BRF2: variants seen among roughly 807,000 people sequenced by gnomAD.
BRF2 encodes BRF2 general transcription factor IIIB subunit, also known as transcription factor IIIB 50 kDa subunit.
BRF2 carries 17 observed loss-of-function variants against 26.6 expected under a neutral mutation model. The ratio of observed to expected loss-of-function variants is 0.64; its 90% confidence interval spans 0.44 to 0.96. The LOEUF is 0.96. Among genes scored for constraint, BRF2 ranks in the 40% least tolerant of loss-of-function variants. BRF2 has a pLI of 0.00. For missense variants in BRF2, 515 were observed against 537.0 expected (o/e 0.96, Z 0.40); for synonymous variants, 219 against 226.6 (o/e 0.97, Z 0.30).
chr8:37,846,063 C>G (rs1045805430), intron 3 of BRF2, among the ~76,000 whole-genome samples: 5 of 152,130 alleles, frequency 3.3e-5, no homozygotes, highest in African/African-American at 1.2e-4. Flanking sequence ...TTATAGCATT[C>G]TTTGGCGGGG....
At position 37,848,632 on chromosome 8, in the gene BRF2, CT is replaced by C; in HGVS notation, c.177del (p.Glu61LysfsTer16). 6.2e-7 allele frequency: 1 copy of C among 1,614,108 alleles called. No homozygotes were observed. Among genetic ancestry groups the C allele is most frequent in the African/African-American group, 1.3e-5 (1 of 75,072 alleles). ...CTGCGACTAACTTGTTCGTTTTCCC[CT>C]GTGCTTCGGGAATATGTTACCTCTG... ...NLREVTYSRSTGENEQVSRSQ... is the reference protein window; with the variant it reads ...NLREVTYSRSXGENEQVSRSQ... On this transcript the variant is annotated frameshift_variant, in exon 2 of 4. Coordinates refer to ENST00000220659, the MANE Select transcript of BRF2 (RefSeq NM_018310.4). LOFTEE classifies it high-confidence loss of function.
At chr8:37,847,355 A>G (rs1174485279) in intron 2 of BRF2, 180 bp from the exon 3 acceptor site, 1 of 700,522 alleles carries the variant, frequency 1.4e-6, no homozygotes, top group Non-Finnish European at 2.6e-6. Flanking sequence ...AAGACACAAA[A>G]ACATTTGTGT....
Position 37,845,212 on chromosome 8 carries a change from A to T in BRF2, c.538T>A (p.Phe180Ile). 1 of 1,606,700 alleles carries T rather than the reference A, an allele frequency of 6.2e-7. No individual in the cohort carries two copies. Among genetic ancestry groups the T allele is most frequent in the Non-Finnish European group, 8.5e-7 (1 of 1,174,476 alleles). ...AELVKTYCSS[F>I]KLFQASPSVP... ...GAAGGTGAAGCTTGGAACAGTTTGA[A>T]GCTGAAATAACCAAAATGAGGGTTG... Residue 180 changes from phenylalanine (F) to isoleucine (I), a missense_variant and splice_region_variant, in exon 4 of 4, where the codon TTC becomes ATC. Coordinates refer to ENST00000220659, the MANE Select transcript of BRF2 (RefSeq NM_018310.4).
chr8:37,844,385 CAAGAA>C lies in BRF2; in HGVS notation c.*100_*104del. On this transcript the variant is annotated 3_prime_UTR_variant, in exon 4 of 4. Coordinates refer to ENST00000220659, the MANE Select transcript of BRF2 (RefSeq NM_018310.4). ...CAGAGCCCCTCTTGGTTCCTTCAAACAAGAAAAGCAATACCTACGGACTGGTGTAC... is the reference window on the plus strand; with the variant it reads ...CAGAGCCCCTCTTGGTTCCTTCAAACAAGCAATACCTACGGACTGGTGTAC... 6.8e-7 allele frequency: 1 copy of C among 1,480,264 alleles called. No homozygotes were observed. Among genetic ancestry groups the C allele is most frequent in the Non-Finnish European group, 9.1e-7 (1 of 1,094,274 alleles). The allele number at this position is 1,480,264 out of a possible 1,614,324, so 91.7% of individuals were successfully genotyped here.
At position 37,848,648 on chromosome 8, in the gene BRF2, T is replaced by C; in HGVS notation, c.162A>G (p.Thr54=). Residue 54 remains threonine, a synonymous_variant, in exon 2 of 4, where the codon ACA becomes ACG. Transcript: ENST00000220659. ...CGTTTTCCCCTGTGCTTCGGGAATATGTTACCTCTGTAAGATAATAAACAA... is the reference window on the plus strand; with the variant it reads ...CGTTTTCCCCTGTGCTTCGGGAATACGTTACCTCTGTAAGATAATAAACAA... ...FSDEGNLREV[T]YSRSTGENEQ... 3 of 1,613,770 alleles carry C rather than the reference T, an allele frequency of 1.9e-6. No individual in the cohort carries two copies. Among genetic ancestry groups the C allele is most frequent in the East Asian group, 2.2e-5 (1 of 44,882 alleles).
Position 37,844,257 on chromosome 8 carries a change from C to A in BRF2, c.*233G>T. 1 of 559,652 alleles carries A rather than the reference C, an allele frequency of 1.8e-6. No homozygotes were observed. Among genetic ancestry groups the A allele is most frequent in the South Asian group, 2.5e-5 (1 of 40,336 alleles). The allele number at this position is 559,652 out of a possible 1,614,324, so 34.7% of individuals were successfully genotyped here. ...GGAAAGCCATCTCACAGAACATGGA[C>A]ATAGGCAACTTGCTCTCCCACACCA... is the stretch of plus-strand genomic sequence containing the variant. On this transcript the variant is annotated 3_prime_UTR_variant, in exon 4 of 4. Coordinates refer to ENST00000220659, the MANE Select transcript of BRF2 (RefSeq NM_018310.4).
chr8:37,845,754 A>G, intron 3 of BRF2: 1 of 678,070 alleles, frequency 1.5e-6, no homozygotes, highest in South Asian at 1.6e-5. Context: ...GTGAGCTATG[A>G]TGGTGCCACT....
chr8:37,844,469 A>G lies in BRF2; in HGVS notation c.*21T>C, dbSNP rs368778645. 30 of 1,607,560 alleles carry G rather than the reference A, an allele frequency of 1.9e-5. No homozygotes were observed. Among genetic ancestry groups the G allele is most frequent in the Non-Finnish European group, 2.5e-5 (29 of 1,176,704 alleles). On this transcript the variant is annotated 3_prime_UTR_variant, in exon 4 of 4. Coordinates refer to ENST00000220659, the MANE Select transcript of BRF2 (RefSeq NM_018310.4). ...TTATCAAGCTGTCAGAACAGGATGA[A>G]GTGCTCCCAGTGGATATCCATCAGG...
intron 3 of BRF2, 82 bp downstream of exon 3, chr8:37,846,772 A>T (rs1302217767): frequency 6.7e-6 from 7 of 1,043,874 alleles, no homozygotes; most frequent in Non-Finnish European, 9.9e-6. Context: ...CAAGAAAAAA[A>T]AAAAGAGATG....
intron 2 of BRF2, 146 bp from the exon 3 acceptor site, chr8:37,847,321 G>A (rs1805981027): frequency 6.9e-6 from 5 of 723,234 alleles, no homozygotes; most frequent in East Asian, 2.7e-5. Context: ...ATAGACAGGA[G>A]TGACACTTGG....
chr8:37,844,498 G>C lies in BRF2; in HGVS notation c.1252C>G (p.Pro418Ala). Residue 418 changes from proline to alanine, a missense_variant, in exon 4 of 4, where the codon CCT becomes GCT. By Grantham distance (27) the Pro-to-Ala change is conservative. Transcript: ENST00000220659. ...ARQAATSVPN[P>A]P ...CTCCCAGTGGATATCCATCAGGGAG[G>C]GTTAGGGACACTCGTGGCAGCCTGT... The C allele has an allele frequency of 1.2e-6, 2 of 1,612,750 alleles. No individual in the cohort carries two copies. The highest frequency in any genetic ancestry group is 1.7e-6 in the Non-Finnish European group (2 of 1,179,848).
Position 37,847,185 on chromosome 8 carries a change from A to T in BRF2, c.215-10T>A. On this transcript the variant is annotated splice_polypyrimidine_tract_variant and intron_variant, in intron 2 of 3. Coordinates refer to ENST00000220659, the MANE Select transcript of BRF2 (RefSeq NM_018310.4). ...CTCACTCGCCGGAGACCTAGGAAAA[A>T]CCCACGGCAAGAGTTAGAGGGGTCA... 1 of 1,612,434 alleles carries T rather than the reference A, an allele frequency of 6.2e-7. No homozygotes were observed.
intron 2 of BRF2, chr8:37,847,396 T>C (rs1207610985): frequency 1.5e-6 from 1 of 658,084 alleles, no homozygotes; most frequent in African/African-American, 1.8e-5. Flanking sequence ...CACTAGTTTT[T>C]GCAGGCTGGT....
intron 1 of BRF2, 35 bp from the exon 2 acceptor site, chr8:37,848,690 C>A (rs1407055194): frequency 6.4e-7 from 1 of 1,573,584 alleles, no homozygotes; most frequent in African/African-American, 1.3e-5. Flanking sequence ...GTGTGCTTAG[C>A]CTTTATTCAT....
intron 1 of BRF2, 125 bp from the exon 2 acceptor site, chr8:37,848,780 C>A (rs530349996): frequency 3.9e-6 from 3 of 764,300 alleles, no homozygotes; most frequent in South Asian, 2.9e-5. Flanking sequence ...CAGTTAAAGG[C>A]CCCATCTGGT....
intron 3 of BRF2, 123 bp from the exon 4 acceptor site, chr8:37,845,336 G>C: frequency 1.3e-6 from 1 of 764,114 alleles, no homozygotes; most frequent in Non-Finnish European, 2.2e-6. Context: ...AAGCTCACTG[G>C]GCAGCAAGTT....
At chr8:37,846,482 C>T (rs1159015031) in intron 3 of BRF2, among the ~76,000 whole-genome samples, 1 of 152,156 alleles carries the variant, frequency 6.6e-6, no homozygotes, top group Non-Finnish European at 1.5e-5. Context: ...AGGCCGGGTG[C>T]GGTGGCTCAC....
At chr8:37,846,520 C>T (rs7008256) in intron 3 of BRF2, among the ~76,000 whole-genome samples, 1 of 151,934 alleles carries the variant, frequency 6.6e-6, no homozygotes, top group Non-Finnish European at 1.5e-5. Flanking sequence ...TTTGGGAGGC[C>T]GAGGCAGGCG....
chr8:37,849,599 C>T (rs1183259526), intron 1 of BRF2, 31 bp downstream of exon 1: 1 of 1,579,182 alleles, frequency 6.3e-7, no homozygotes, highest in African/African-American at 1.3e-5. Flanking sequence ...ATCCCTCCAC[C>T]GCCCCAGGCT....
Sources: allele counts gnomAD v4.1 joint callset (sites outside exome capture counted in the v4.1 genomes callset), GRCh38; gene constraint gnomAD v4.1.1; transcripts MANE v1.5; gene names NCBI Gene and HGNC (gene_info 2026-07-23, HGNC 2026-07-21).